SLC12A6: variants seen among roughly 807,000 people sequenced by gnomAD.
SLC12A6 encodes the protein solute carrier family 12 member 6, also known as K-Cl cotransporter 3.
Under a neutral mutation model 135.3 loss-of-function variants are expected in SLC12A6, and 66 were observed. That is an observed-to-expected ratio of 0.49 (90% CI 0.40 to 0.60). SLC12A6 has a LOEUF of 0.60. Ranked by LOEUF, SLC12A6 falls within the 20% of genes least tolerant of loss-of-function variation. SLC12A6 has a pLI of 0.00. For synonymous variants in SLC12A6, 513 were observed against 508.8 expected, an observed-to-expected ratio of 1.01 and a Z score of -0.11; for missense variants, 1,058 against 1,452.3, an observed-to-expected ratio of 0.73 and a Z score of 4.41.
chr15:34,235,335 G>A (rs1347270491), intron 24 of SLC12A6, 21 bp from the exon 25 acceptor site: 1 of 1,609,028 alleles, frequency 6.2e-7, no homozygotes, highest in African/African-American at 1.3e-5. Context: ...AAGAAATAAA[G>A]GTTGTTAAGG....
rs1890207412 is a variant in SLC12A6 at position 34,336,506 on chromosome 15, G to A, written c.175C>T (p.Pro59Ser). The A allele has an allele frequency of 6.2e-7, 1 of 1,613,620 alleles. No individual in the cohort carries two copies. The highest frequency in any genetic ancestry group is 2.2e-5 in the East Asian group (1 of 44,878). Residue 59 changes from proline to serine, a missense_variant, in exon 2 of 26, where the codon CCT (proline) becomes TCT (serine). Pro to Ser is a moderately conservative substitution (Grantham distance 74). This residue lies in a region of SLC12A6 where 176 missense variants were observed against 168.9 expected (regional missense o/e 1.04). Transcript: ENST00000354181. ...ESVPETSRSE[P>S]MSEMSGATTS... ...GTGGCCCCAGACATCTCACTCATAG[G>A]CTCACTCCGGCTTGTTTCAGGCACG...
intron 2 of SLC12A6, among the ~76,000 whole-genome samples, chr15:34,280,184 A>G (rs1406283394): frequency 1.3e-5 from 2 of 152,232 alleles, no homozygotes; most frequent in Non-Finnish European, 2.9e-5. Flanking sequence ...TTGGCAGACA[A>G]TTTGAAGCAA....
At chr15:34,275,792 C>G (rs1337925438) in intron 2 of SLC12A6, among the ~76,000 whole-genome samples, 1 of 152,154 alleles carries the variant, frequency 6.6e-6, no homozygotes, top group Non-Finnish European at 1.5e-5. Context: ...GAATGGAATT[C>G]TGATACATGT....
At chr15:34,243,282 G>A (rs570856152) in intron 16 of SLC12A6, among the ~76,000 whole-genome samples, 43 of 152,162 alleles carry the variant, frequency 2.8e-4, no homozygotes, top group African/African-American at 9.6e-4. Flanking sequence ...CCCAGTAAAC[G>A]TTACATCACT....
chr15:34,277,039 A>G (rs1294755920), intron 2 of SLC12A6, among the ~76,000 whole-genome samples: 1 of 152,188 alleles, frequency 6.6e-6, no homozygotes, highest in East Asian at 1.9e-4. Context: ...GCTTTGAAAA[A>G]GGAAAATTTG....
At chr15:34,331,625 A>C (rs1027568573) in intron 2 of SLC12A6, among the ~76,000 whole-genome samples, 5 of 152,246 alleles carry the variant, frequency 3.3e-5, no homozygotes, top group Non-Finnish European at 5.9e-5. Context: ...GTGATATCAC[A>C]TATTACACTA....
chr15:34,299,757 A>C (rs1369764498), intron 2 of SLC12A6: 3 of 152,212 alleles, frequency 2.0e-5, no homozygotes, highest in Non-Finnish European at 2.9e-5. Context: ...AAAGAGTAAT[A>C]AACAAGGAAG....
chr15:34,298,345 G>T (rs1329491240), intron 2 of SLC12A6, among the ~76,000 whole-genome samples: 2 of 151,954 alleles, frequency 1.3e-5, no homozygotes, highest in African/African-American at 4.8e-5. Flanking sequence ...CATGGTGGTG[G>T]GCATCTGCAA....
Position 34,288,204 on chromosome 15 carries a change from T to C in SLC12A6, c.272-12815A>G, listed in dbSNP as rs949489958. Among the ~76,000 whole-genome samples the C allele has an allele frequency of 2.0e-5, 3 of 152,226 alleles. No individual in the cohort carries two copies. In the South Asian group the frequency reaches 6.2e-4, roughly 32 times the overall value. ...AGTTTTCTGCATATGGATAGCCAGC[T>C]TTCCCAACACCATGTATATGTTTGT... On this transcript the variant is annotated intron_variant, in intron 2 of 25. Coordinates refer to ENST00000354181, the MANE Select transcript of SLC12A6 (RefSeq NM_001365088.1).
chr15:34,256,125 G>T, intron 7 of SLC12A6, 104 bp downstream of exon 7: 1 of 782,306 alleles, frequency 1.3e-6, no homozygotes. Flanking sequence ...GCACAGAACA[G>T]ACCAAATAGT....
At position 34,255,141 on chromosome 15, in the gene SLC12A6, C is replaced by T. The variant is rs577229148; in HGVS notation, c.876+121G>A. The T allele has an allele frequency of 4.4e-5, 37 of 841,296 alleles. 1 individual carries two copies. Among genetic ancestry groups the T allele is most frequent in the East Asian group, 3.2e-4 (13 of 40,972 alleles). 52.1% of individuals were successfully genotyped at this position (841,296 alleles called of 1,614,324 possible). A position where few individuals can be genotyped will look rare whatever the true frequency, so the allele number is the denominator to read the frequency against. ...CATATTCATGTAAGAGGCCAACTGA[C>T]GTTGGCAGTCAATCACCTGATTTAT... On this transcript the variant is annotated intron_variant, in intron 8 of 25. Coordinates refer to ENST00000354181, the MANE Select transcript of SLC12A6 (RefSeq NM_001365088.1).
At chr15:34,244,128 TTAAG>T (rs1196351447) in intron 15 of SLC12A6, 56 bp from the exon 16 acceptor site, 29 of 991,846 alleles carry the variant, frequency 2.9e-5, no homozygotes. Flanking sequence ...TCTTTGAAGG[TTAAG>T]TAACTGAATA....
chr15:34,287,459 G>A (rs950758592), intron 2 of SLC12A6, among the ~76,000 whole-genome samples: 3 of 152,074 alleles, frequency 2.0e-5, no homozygotes, highest in Admixed American at 6.5e-5. Context: ...TGTCTTTATC[G>A]TAAAATGATT....
intron 2 of SLC12A6, among the ~76,000 whole-genome samples, chr15:34,329,334 A>G (rs1332465067): frequency 6.6e-6 from 1 of 152,266 alleles, no homozygotes; most frequent in East Asian, 1.9e-4. Context: ...GGGCAAAAGA[A>G]GCAGCAGCCA....
At position 34,229,786 on chromosome 15, in the gene SLC12A6, T is replaced by C. The variant is rs372229813; in HGVS notation, c.*4095A>G. The stretch of plus-strand genomic sequence containing the variant: ...GTTCAGTGGTGGAGGACTGCTTTTG[T>C]GAACATGAGAAAGCAGCGCCTGGTC... On this transcript the variant is annotated 3_prime_UTR_variant, in exon 26 of 26. Transcript: ENST00000354181. 2 of 1,609,928 alleles carry C rather than the reference T, an allele frequency of 1.2e-6. No homozygotes were observed. The highest frequency in any genetic ancestry group is 2.7e-5 in the African/African-American group (2 of 74,846).
chr15:34,310,935 G>A (rs1463634455), intron 2 of SLC12A6, among the ~76,000 whole-genome samples: 2 of 152,070 alleles, frequency 1.3e-5, no homozygotes, highest in East Asian at 3.9e-4. Context: ...ACCTTTTTTA[G>A]AACATAAGCT....
chr15:34,251,630 T>C (rs1355134159), intron 10 of SLC12A6, among the ~76,000 whole-genome samples: 1 of 152,214 alleles, frequency 6.6e-6, no homozygotes, highest in Non-Finnish European at 1.5e-5. Flanking sequence ...ACTTTACTAA[T>C]GCAAATTAGT....
intron 2 of SLC12A6, among the ~76,000 whole-genome samples, chr15:34,300,539 G>A (rs1489230763): frequency 6.6e-6 from 1 of 152,084 alleles, no homozygotes; most frequent in African/African-American, 2.4e-5. Context: ...GCTCATGTCT[G>A]TAATCCCAGC....
At chr15:34,328,566 G>A (rs1379261706) in intron 2 of SLC12A6, among the ~76,000 whole-genome samples, 1 of 152,148 alleles carries the variant, frequency 6.6e-6, no homozygotes, top group African/African-American at 2.4e-5. Context: ...ACCTTCAAAT[G>A]TAATTGTTGA....
Sources: allele counts gnomAD v4.1 joint callset (sites outside exome capture counted in the v4.1 genomes callset), GRCh38; gene constraint gnomAD v4.1.1; regional missense constraint gnomAD v4.1.1; transcripts MANE v1.5; gene names NCBI Gene and HGNC (gene_info 2026-07-23, HGNC 2026-07-21).